ADGRV1: variants seen among roughly 807,000 people sequenced by gnomAD.
ADGRV1 encodes G-protein coupled receptor 98.
In ADGRV1, 359 loss-of-function variants were observed where a neutral mutation model predicts 596.2. The ratio of observed to expected loss-of-function variants is 0.60; its 90% CI spans 0.55 to 0.66. The LOEUF is 0.66. ADGRV1 is among the 30% of genes least tolerant of loss of function. ADGRV1 has a pLI of 0.00. For synonymous variants in ADGRV1, 2,681 were observed against 2,679.2 expected (o/e 1.00, Z -0.02); for missense variants, 7,274 against 7,575.6 (o/e 0.96, Z 1.48).
intron 38 of ADGRV1, among the ~76,000 whole-genome samples, chr5:90,708,525 ATAAT>A (rs1748907607): frequency 6.6e-6 from 1 of 151,826 alleles, no homozygotes; most frequent in Non-Finnish European, 1.5e-5. Context: ...TATGCTTAAA[ATAAT>A]TAGGCTTATA....
At chr5:90,823,721 A>G in intron 76 of ADGRV1, 125 bp downstream of exon 76, 6 of 798,772 alleles carry the variant, frequency 7.5e-6, no homozygotes, top group Non-Finnish European at 1.2e-5. Flanking sequence ...TTTCTTAGCC[A>G]TAATGTCTAA....
At position 90,693,881 on chromosome 5, in the gene ADGRV1, A is replaced by G; in HGVS notation, c.7134-9A>G. Reference sequence around the variant, plus strand: ...TAACCTGTCTTTTAATTGTCACTCCACATTTTAGCGGAGGGCACTTTGGTC... The same window carrying G: ...TAACCTGTCTTTTAATTGTCACTCCGCATTTTAGCGGAGGGCACTTTGGTC... On this transcript the variant is annotated splice_polypyrimidine_tract_variant and intron_variant, in intron 32 of 89. Transcript: ENST00000405460. The G allele has an allele frequency of 6.6e-7, 1 of 1,526,218 alleles. No homozygotes were observed. Among genetic ancestry groups the G allele is most frequent in the Non-Finnish European group, 8.8e-7 (1 of 1,136,176 alleles). 94.5% of individuals were successfully genotyped at this position (1,526,218 alleles called of 1,614,324 possible). A position where few individuals can be genotyped will look rare whatever the true frequency, so the allele number is the denominator to read the frequency against.
At chr5:90,709,489 G>C (rs1749051672) in intron 39 of ADGRV1, among the ~76,000 whole-genome samples, 1 of 152,154 alleles carries the variant, frequency 6.6e-6, no homozygotes, top group African/African-American at 2.4e-5. Flanking sequence ...TTACTACTGG[G>C]AAATTTTGTC....
chr5:91,146,149 T>A (rs1417770406), intron 87 of ADGRV1, among the ~76,000 whole-genome samples: 1 of 152,238 alleles, frequency 6.6e-6, no homozygotes, highest in Admixed American at 6.5e-5. Context: ...GCCTTGCTTT[T>A]ATTTTTATGT....
intron 88 of ADGRV1, 66 bp downstream of exon 88, chr5:91,150,287 C>A: frequency 8.2e-7 from 1 of 1,216,318 alleles, no homozygotes; most frequent in Non-Finnish European, 1.1e-6. Context: ...CTCTGTCTGT[C>A]TCTCTCTCTG....
At chr5:90,630,937 T>A (rs1340454963) in intron 9 of ADGRV1, among the ~76,000 whole-genome samples, 2 of 152,184 alleles carry the variant, frequency 1.3e-5, no homozygotes, top group Non-Finnish European at 1.5e-5. Context: ...AGCTCCTGAA[T>A]TTTCTTGATC....
chr5:90,575,795 G>A (rs1028194200), intron 1 of ADGRV1, among the ~76,000 whole-genome samples: 1 of 152,094 alleles, frequency 6.6e-6, no homozygotes, highest in Non-Finnish European at 1.5e-5. Context: ...TCATCCTGGT[G>A]AATTCTCAGG....
At chr5:90,946,485 A>G (rs1776586571) in intron 83 of ADGRV1, among the ~76,000 whole-genome samples, 1 of 152,134 alleles carries the variant, frequency 6.6e-6, no homozygotes, top group African/African-American at 2.4e-5. Context: ...TTCAGGATAC[A>G]TGTGCAGGAC....
intron 1 of ADGRV1, among the ~76,000 whole-genome samples, chr5:90,570,946 C>T (rs772688264): frequency 3.3e-5 from 5 of 151,934 alleles, no homozygotes; most frequent in Non-Finnish European, 7.4e-5. Flanking sequence ...CAGTATTTAT[C>T]GATTACTTTT....
At chr5:90,794,059 T>C (rs1760383449) in intron 70 of ADGRV1, among the ~76,000 whole-genome samples, 1 of 152,198 alleles carries the variant, frequency 6.6e-6, no homozygotes, top group African/African-American at 2.4e-5. Flanking sequence ...CCATTGCTCT[T>C]TGAAGATTGG....
At chr5:90,664,662 T>C (rs1224830681) in intron 21 of ADGRV1, among the ~76,000 whole-genome samples, 10 of 136,160 alleles carry the variant, frequency 7.3e-5, no homozygotes, top group East Asian at 4.4e-4. Context: ...TGAATAGGAG[T>C]GGTGAGAGAG....
intron 77 of ADGRV1, among the ~76,000 whole-genome samples, chr5:90,831,881 A>G (rs1037093092): frequency 1.3e-5 from 2 of 152,170 alleles, no homozygotes; most frequent in African/African-American, 4.8e-5. Context: ...CTCCAGTTCC[A>G]TCCATGTTGT....
chr5:91,107,547 G>A (rs1410520741), intron 87 of ADGRV1, among the ~76,000 whole-genome samples: 1 of 152,182 alleles, frequency 6.6e-6, no homozygotes, highest in East Asian at 1.9e-4. Flanking sequence ...GCATTTGCAT[G>A]TAATGCCCTC....
chr5:91,027,082 C>T (rs994759377), intron 85 of ADGRV1, among the ~76,000 whole-genome samples: 1 of 150,600 alleles, frequency 6.6e-6, no homozygotes, highest in Non-Finnish European at 1.5e-5. Flanking sequence ...GCAGAGGTTG[C>T]AGTGAACCAA....
Position 91,052,801 on chromosome 5 carries a change from AAG to A in ADGRV1, c.18153-19642_18153-19641del, listed in dbSNP as rs1297933535. ...CTATGTCACAGTCCAGTTGTAGTTT[AAG>A]AGAAACTTTTCTGTATCAATAAAGG... On this transcript the variant is annotated intron_variant, in intron 85 of 89. Coordinates refer to ENST00000405460, the MANE Select transcript of ADGRV1 (RefSeq NM_032119.4). 2.6e-5 allele frequency among the ~76,000 whole-genome samples: 4 copies of A among 152,134 alleles called. No homozygotes were observed. The East Asian group carries it at 7.7e-4, about 29-fold the overall frequency.
chr5:91,108,938 A>G, intron 87 of ADGRV1, among the ~76,000 whole-genome samples: 1 of 152,134 alleles, frequency 6.6e-6, no homozygotes, highest in East Asian at 1.9e-4. Flanking sequence ...TTAAGTAAGA[A>G]AATCTTGATC....
intron 38 of ADGRV1, among the ~76,000 whole-genome samples, chr5:90,707,911 G>A (rs79290391): frequency 6.6e-6 from 1 of 152,148 alleles, no homozygotes; most frequent in Non-Finnish European, 1.5e-5. Context: ...TATTGCGTGG[G>A]GGGTGGGGGA....
intron 28 of ADGRV1, 145 bp from the exon 29 acceptor site, chr5:90,685,635 T>TAAATA (rs1554082193): frequency 2.6e-5 from 6 of 232,556 alleles, no homozygotes; most frequent in African/African-American, 1.5e-4. Context: ...AATAAATAAA[T>TAAATA]AAATAAAATA....
chr5:91,034,411 G>C (rs1784709865), intron 85 of ADGRV1, among the ~76,000 whole-genome samples: 1 of 152,078 alleles, frequency 6.6e-6, no homozygotes, highest in South Asian at 2.1e-4. Context: ...AATATGTCAT[G>C]GTAGATTATT....
Sources: allele counts gnomAD v4.1 joint callset (sites outside exome capture counted in the v4.1 genomes callset), GRCh38; gene constraint gnomAD v4.1.1; transcripts MANE v1.5; gene names NCBI Gene and HGNC (gene_info 2026-07-23, HGNC 2026-07-21).